ZNF100: variants seen among roughly 807,000 people sequenced by gnomAD.
ZNF100 encodes zinc finger protein 100, also known as zinc finger protein 100 (Y1).
Under a neutral mutation model 15.8 loss-of-function variants are expected in ZNF100, and 12 were observed. The ratio of observed to expected loss-of-function variants is 0.76; its 90% confidence interval spans 0.49 to 1.23. ZNF100 has a LOEUF of 1.23. ZNF100 is among the 50% of genes most tolerant of loss of function. The probability of loss-of-function intolerance (pLI) is 0.00; values close to 1 mark genes in which losing one functional copy is unlikely to be tolerated. For missense variants in ZNF100, 670 were observed against 635.6 expected, an observed-to-expected ratio of 1.05 and a Z score of -0.58; for synonymous variants, 226 against 214.8, an observed-to-expected ratio of 1.05 and a Z score of -0.45.
At chr19:21,759,394 AAC>A (rs1421424947) in intron 2 of ZNF100, among the ~76,000 whole-genome samples, 3 of 152,216 alleles carry the variant, frequency 2.0e-5, no homozygotes, top group Non-Finnish European at 4.4e-5. Flanking sequence ...GTTCTCCAGG[AAC>A]AGTTTATGGA....
intron 2 of ZNF100, among the ~76,000 whole-genome samples, chr19:21,764,231 T>C (rs1427761184): frequency 6.6e-6 from 1 of 152,174 alleles, no homozygotes; most frequent in Non-Finnish European, 1.5e-5. Context: ...CTAATTTCCA[T>C]GTTAAGAGTT....
chr19:21,741,519 C>G (rs926328063), intron 4 of ZNF100, among the ~76,000 whole-genome samples: 1 of 152,002 alleles, frequency 6.6e-6, no homozygotes, highest in Non-Finnish European at 1.5e-5. Flanking sequence ...GGATTACAGG[C>G]ACCTGTCACA....
chr19:21,754,071 T>C (rs1373649990), intron 2 of ZNF100, among the ~76,000 whole-genome samples: 3 of 152,168 alleles, frequency 2.0e-5, no homozygotes, highest in Non-Finnish European at 4.4e-5. Flanking sequence ...CTTACTCAAA[T>C]CTAATCCTAG....
intron 2 of ZNF100, among the ~76,000 whole-genome samples, chr19:21,759,600 G>C (rs1045536428): frequency 6.6e-6 from 1 of 152,178 alleles, no homozygotes; most frequent in Non-Finnish European, 1.5e-5. Flanking sequence ...ACAAGATACA[G>C]GTCATAAAGA....
chr19:21,733,182 T>A (rs2035948045), intron 4 of ZNF100, among the ~76,000 whole-genome samples: 1 of 152,154 alleles, frequency 6.6e-6, no homozygotes. Context: ...ACATATAGAA[T>A]TTTTTTACTA....
In ZNF100 at chr19:21,745,562, C is replaced by T. The variant is rs189453727; in HGVS notation, c.97-495G>A. 3.9e-4 allele frequency among the ~76,000 whole-genome samples: 59 copies of T among 151,556 alleles called. 1 individual carries two copies. The South Asian group carries it at 4.2e-3, about 11-fold the overall frequency. On this transcript the variant is annotated intron_variant, in intron 2 of 4. Coordinates refer to ENST00000358296, the MANE Select transcript of ZNF100 (RefSeq NM_173531.4). ...ACGGAGTCTCGCTCTGTCGCCCAGG[C>T]CGGACTGCGGACTGCAGTGGCGCAA...
intron 4 of ZNF100, among the ~76,000 whole-genome samples, chr19:21,740,299 G>A (rs1357691064): frequency 1.3e-5 from 2 of 152,060 alleles, no homozygotes; most frequent in Non-Finnish European, 2.9e-5. Context: ...TCCTTGAACC[G>A]TATATAAAAA....
chr19:21,733,902 C>A (rs536760313), intron 4 of ZNF100, among the ~76,000 whole-genome samples: 1 of 152,402 alleles, frequency 6.6e-6, no homozygotes, highest in South Asian at 2.1e-4. Context: ...ACTGGTGACA[C>A]CTCCAGGTGT....
intron 4 of ZNF100, among the ~76,000 whole-genome samples, chr19:21,728,947 G>A (rs10417086): frequency 0.15 from 22,481 of 151,226 alleles, 1,973 homozygotes; most frequent in Non-Finnish European, 0.19. Context: ...AAATTGTGGA[G>A]GTAATAAATA....
chr19:21,731,058 AAG>A (rs2035908052), intron 4 of ZNF100, among the ~76,000 whole-genome samples: 1 of 150,618 alleles, frequency 6.6e-6, no homozygotes, highest in Admixed American at 6.6e-5. Flanking sequence ...TAAAGTACCC[AAG>A]AGTCTTCAAA....
rs112972661 is a variant in ZNF100, at chr19:21,726,710, T to C, written c.1602A>G (p.Ser534=). ...QSLSLIKQNN[S]YWRETLQM ...ACATTTGTAGGGTTTCTCTCCAGTA[T>C]GAGTTATTTTGTTTAATAAGGCTTA... Residue 534 remains serine, a synonymous_variant, in exon 5 of 5, where the codon TCA becomes TCG. Coordinates refer to ENST00000358296, the MANE Select transcript of ZNF100 (RefSeq NM_173531.4). 1.1e-5 allele frequency: 18 copies of C among 1,609,598 alleles called. No homozygotes were observed. In the African/African-American group the frequency reaches 1.3e-4, roughly 12 times the overall value.
At chr19:21,765,540 C>T (rs1203538037) in intron 2 of ZNF100, among the ~76,000 whole-genome samples, 154 bp downstream of exon 2, 3 of 152,032 alleles carry the variant, frequency 2.0e-5, no homozygotes, top group Non-Finnish European at 4.4e-5. Context: ...ATATTTATTT[C>T]ACTATTTTTC....
intron 2 of ZNF100, among the ~76,000 whole-genome samples, chr19:21,759,105 T>A (rs565393763): frequency 6.6e-6 from 1 of 152,176 alleles, no homozygotes; most frequent in South Asian, 2.1e-4. Context: ...TTGCCCTCTT[T>A]GCAGTTGCCA....
intron 2 of ZNF100, chr19:21,753,577 T>C (rs554475899): frequency 6.6e-6 from 1 of 152,220 alleles, no homozygotes; most frequent in East Asian, 1.9e-4. Context: ...CCAGACCCTA[T>C]CTCAAAAGAA....
At chr19:21,765,909 G>C (rs1229411592) in intron 1 of ZNF100, 123 bp from the exon 2 acceptor site, 2 of 926,934 alleles carry the variant, frequency 2.2e-6, no homozygotes, top group Non-Finnish European at 3.3e-6. Flanking sequence ...AAACTAAAGG[G>C]TGGCTGAGGA....
intron 2 of ZNF100, among the ~76,000 whole-genome samples, chr19:21,757,167 G>A (rs569908508): frequency 6.6e-6 from 1 of 152,354 alleles, no homozygotes; most frequent in Admixed American, 6.5e-5. Flanking sequence ...GCTGGGCAAG[G>A]TGGCACATGC....
intron 2 of ZNF100, among the ~76,000 whole-genome samples, chr19:21,758,375 C>T (rs1204176948): frequency 4.6e-5 from 7 of 152,162 alleles, no homozygotes; most frequent in Non-Finnish European, 1.0e-4. Context: ...ACCCCCATGA[C>T]ACAATTTTAC....
intron 4 of ZNF100, among the ~76,000 whole-genome samples, chr19:21,742,580 T>C (rs976519319): frequency 2.6e-5 from 4 of 152,004 alleles, no homozygotes; most frequent in Non-Finnish European, 5.9e-5. Context: ...AAAACTATAT[T>C]GTGCCCATTG....
Position 21,727,945 on chromosome 19 carries a change from T to C in ZNF100, c.367A>G (p.Ile123Val), listed in dbSNP as rs763965681. ...ATCGCTTCTTGAAAAGAATCTTTAA[T>C]GTCCTGCTCTGCCCAAAGGTCTTGG... Reference protein sequence around the residue: ...FPQDLWAEQDIKDSFQEAILK... With the variant: ...FPQDLWAEQDVKDSFQEAILK... The change falls in exon 5 of 5, where the codon ATT becomes GTT. Residue 123 changes from isoleucine (I) to valine (V), a missense_variant. Physicochemically the swap from Ile to Val is conservative, Grantham distance 29. Transcript: ENST00000358296. 7.0e-6 allele frequency: 11 copies of C among 1,565,916 alleles called. No homozygotes were observed. The highest frequency in any genetic ancestry group is 2.2e-5 in the East Asian group (1 of 44,504).
Sources: gnomAD v4.1 joint callset for allele counts (sites outside exome capture counted in the v4.1 genomes callset) on GRCh38, gnomAD v4.1.1 for gene constraint, MANE v1.5 for transcripts, NCBI Gene and HGNC (gene_info 2026-07-23, HGNC 2026-07-21) for gene names.